DLG2: variants seen among roughly 807,000 people sequenced by gnomAD.
DLG2 encodes discs large MAGUK scaffold protein 2, also known as disks large homolog 2.
A neutral mutation model predicts 132.5 loss-of-function variants in DLG2; 45 were observed. The ratio of observed to expected loss-of-function variants is 0.34; its 90% CI spans 0.27 to 0.44. The LOEUF (loss-of-function observed/expected upper bound fraction) is 0.44. Among genes scored for constraint, DLG2 ranks in the 20% least tolerant of loss-of-function variants. The pLI is 1.00. For synonymous variants in DLG2, 424 were observed against 419.6 expected, an observed-to-expected ratio of 1.01 and a Z score of -0.13; for missense variants, 1,045 against 1,196.9, an observed-to-expected ratio of 0.87 and a Z score of 1.87.
intron 6 of DLG2, among the ~76,000 whole-genome samples, chr11:84,627,610 T>C (rs535504645): frequency 5.9e-5 from 9 of 152,340 alleles, no homozygotes; most frequent in Non-Finnish European, 1.0e-4. Flanking sequence ...TCAACAGACA[T>C]TAGCTATGTA....
intron 7 of DLG2, among the ~76,000 whole-genome samples, chr11:84,253,810 T>A (rs574025282): frequency 1.3e-5 from 2 of 152,262 alleles, no homozygotes; most frequent in Non-Finnish European, 2.9e-5. Flanking sequence ...TTGAATATTG[T>A]TTTTTCTGAC....
rs1055663794 is a variant in DLG2, at chr11:84,040,568, C to T, written c.919+18747G>A. 4.9e-3 allele frequency among the ~76,000 whole-genome samples: 738 copies of T among 152,132 alleles called. 3 individuals carry two copies. The highest frequency in any genetic ancestry group is 8.5e-3 in the Non-Finnish European group (580 of 68,004). On this transcript the variant is annotated intron_variant, in intron 11 of 27. Coordinates refer to ENST00000376104, the MANE Select transcript of DLG2 (RefSeq NM_001142699.3). Reference sequence around the variant, plus strand: ...TTATTTCTGAGGGCTCTGTTCTGTTCCATTGATCCATATCTCTGTTTTGGT... The same window carrying T: ...TTATTTCTGAGGGCTCTGTTCTGTTTCATTGATCCATATCTCTGTTTTGGT...
chr11:84,131,720 A>AATC (rs779278722), intron 9 of DLG2, among the ~76,000 whole-genome samples: 16 of 152,078 alleles, frequency 1.1e-4, no homozygotes, highest in Non-Finnish European at 1.8e-4. Context: ...AAGAGCAAGA[A>AATC]ATCAGGAAAC....
At chr11:85,561,368 A>AAAAAG (rs67149419) in intron 3 of DLG2, among the ~76,000 whole-genome samples, 1 of 129,364 alleles carries the variant, frequency 7.7e-6, no homozygotes, top group Non-Finnish European at 1.7e-5. Context: ...AAAAAAAAAA[A>AAAAAG]TAGCTGTGTA....
intron 6 of DLG2, among the ~76,000 whole-genome samples, chr11:84,708,243 A>G (rs544441685): frequency 3.2e-4 from 49 of 152,038 alleles, no homozygotes; most frequent in African/African-American, 1.2e-3. Context: ...GAGATGTTGT[A>G]TTAAGGGATA....
intron 4 of DLG2, among the ~76,000 whole-genome samples, chr11:85,214,740 T>G (rs1395170713): frequency 6.6e-6 from 1 of 152,218 alleles, no homozygotes; most frequent in African/African-American, 2.4e-5. Flanking sequence ...TTTAAACTTT[T>G]GTTAAATTTA....
chr11:85,409,092 A>G (rs1270815702), intron 3 of DLG2, among the ~76,000 whole-genome samples: 1 of 151,954 alleles, frequency 6.6e-6, no homozygotes, highest in Non-Finnish European at 1.5e-5. Flanking sequence ...ATCAGCAGTT[A>G]TTGGTTAAGA....
intron 22 of DLG2, among the ~76,000 whole-genome samples, chr11:83,476,806 A>G (rs1020478718): frequency 2.0e-5 from 3 of 152,148 alleles, no homozygotes; most frequent in African/African-American, 7.2e-5. Flanking sequence ...CGGCTTCCTC[A>G]TATGGAAATG....
At chr11:83,871,705 G>A (rs1171562142) in intron 16 of DLG2, among the ~76,000 whole-genome samples, 2 of 152,124 alleles carry the variant, frequency 1.3e-5, no homozygotes, top group African/African-American at 2.4e-5. Context: ...TCTGGACTTT[G>A]TAGAGGATTA....
chr11:84,154,363 A>G (rs549984822), intron 9 of DLG2, among the ~76,000 whole-genome samples: 2 of 152,214 alleles, frequency 1.3e-5, no homozygotes, highest in African/African-American at 2.4e-5. Flanking sequence ...ATAAAGATAC[A>G]TAAAGTGAAA....
intron 6 of DLG2, among the ~76,000 whole-genome samples, chr11:84,855,419 A>T (rs895571502): frequency 2.0e-5 from 3 of 152,216 alleles, no homozygotes; most frequent in African/African-American, 7.2e-5. Context: ...TTTCTTACTT[A>T]AACAGCAGAC....
intron 6 of DLG2, among the ~76,000 whole-genome samples, chr11:84,892,930 T>C (rs1019274841): frequency 1.3e-5 from 2 of 152,112 alleles, no homozygotes; most frequent in East Asian, 3.9e-4. Flanking sequence ...TAAGGCAGGT[T>C]TTCCACAGCC....
At chr11:83,547,383 AG>A (rs2141857954) in intron 19 of DLG2, among the ~76,000 whole-genome samples, 1 of 152,258 alleles carries the variant, frequency 6.6e-6, no homozygotes, top group Non-Finnish European at 1.5e-5. Context: ...GATCTTGAGA[AG>A]GGGAGATTAT....
chr11:84,638,958 G>A (rs935541577), intron 6 of DLG2, among the ~76,000 whole-genome samples: 1 of 152,148 alleles, frequency 6.6e-6, no homozygotes, highest in African/African-American at 2.4e-5. Context: ...ACCTCTATTG[G>A]CACTTCTGGG....
rs2096853818 is a variant in DLG2 at position 83,575,077 on chromosome 11, T to C, written c.1941-33219A>G. On this transcript the variant is annotated intron_variant, in intron 19 of 27. Transcript: ENST00000376104. ...CCTAGAGACATGGCATCTGCAAGGGTATATGAGATAGGTAGTGAGCAGCTT... is the reference window on the plus strand; with the variant it reads ...CCTAGAGACATGGCATCTGCAAGGGCATATGAGATAGGTAGTGAGCAGCTT... Among the ~76,000 whole-genome samples, 3 of 152,242 alleles carry C rather than the reference T, an allele frequency of 2.0e-5. No individual in the cohort carries two copies. The South Asian group carries it at 6.2e-4, about 32-fold the overall frequency.
At chr11:85,104,086 T>A (rs1005956285) in intron 6 of DLG2, among the ~76,000 whole-genome samples, 2 of 151,726 alleles carry the variant, frequency 1.3e-5, no homozygotes, top group Non-Finnish European at 1.5e-5. Flanking sequence ...TGTAGAAAAA[T>A]TAAAACTTTC....
At chr11:83,818,806 T>C (rs2049838745) in intron 17 of DLG2, among the ~76,000 whole-genome samples, 1 of 152,112 alleles carries the variant, frequency 6.6e-6, no homozygotes, top group Non-Finnish European at 1.5e-5. Flanking sequence ...GAAATGACTA[T>C]GAATATGAAC....
chr11:84,514,275 C>A (rs540207303), intron 7 of DLG2, among the ~76,000 whole-genome samples: 1 of 152,148 alleles, frequency 6.6e-6, no homozygotes, highest in South Asian at 2.1e-4. Context: ...CTATGGAGAG[C>A]AGTTTGGAAG....
chr11:85,417,833 T>A (rs1211386082), intron 3 of DLG2, among the ~76,000 whole-genome samples: 1 of 152,172 alleles, frequency 6.6e-6, no homozygotes, highest in Non-Finnish European at 1.5e-5. Context: ...CTTCTCTCTT[T>A]TCTTCTTTAT....
Sources: gnomAD v4.1 joint callset for allele counts (sites outside exome capture counted in the v4.1 genomes callset) on GRCh38, gnomAD v4.1.1 for gene constraint, MANE v1.5 for transcripts, NCBI Gene and HGNC (gene_info 2026-07-23, HGNC 2026-07-21) for gene names.